Variants in IL17RC observed in about 807,000 individuals in gnomAD.
IL17RC encodes the protein interleukin-17 receptor C.
IL17RC carries 53 observed loss-of-function variants against 86.7 expected under a neutral mutation model. The observed-to-expected ratio is 0.61, with a 90% confidence interval of 0.49 to 0.77. The LOEUF is 0.77. Ranked by LOEUF, IL17RC falls within the 30% of genes least tolerant of loss-of-function variation. The pLI is 0.00. For missense variants in IL17RC, 957 were observed against 940.0 expected (o/e 1.02, Z -0.24); for synonymous variants, 439 against 413.1 (o/e 1.06, Z -0.76).
At chr3:9,928,524 G>C (rs1342147707) in intron 11 of IL17RC, 38 bp downstream of exon 11, 2 of 1,613,396 alleles carry the variant, frequency 1.2e-6, no homozygotes, top group Admixed American at 1.7e-5. Context: ...GGTGAGGGGA[G>C]AGTGGGGAAC....
intron 18 of IL17RC, 31 bp downstream of exon 18, chr3:9,932,889 C>T: frequency 6.3e-7 from 1 of 1,591,132 alleles, no homozygotes; most frequent in Non-Finnish European, 8.5e-7. Flanking sequence ...GGCGGAGGGC[C>T]GCCCCCGGGG....
intron 5 of IL17RC, among the ~76,000 whole-genome samples, chr3:9,919,688 T>C (rs1263664105): frequency 6.6e-6 from 1 of 152,174 alleles, no homozygotes; most frequent in African/African-American, 2.4e-5. Context: ...GTTGTGAGAA[T>C]TAAATTAAGT....
chr3:9,925,519 G>A (rs1320469607), intron 9 of IL17RC, among the ~76,000 whole-genome samples: 1 of 151,890 alleles, frequency 6.6e-6, no homozygotes, highest in Non-Finnish European at 1.5e-5. Context: ...TCCAGCTTAG[G>A]GCTCTATCAT....
intron 9 of IL17RC, among the ~76,000 whole-genome samples, chr3:9,926,157 C>T (rs1363206419): frequency 1.3e-5 from 2 of 151,546 alleles, no homozygotes; most frequent in African/African-American, 4.9e-5. Context: ...CCTCAGCCTC[C>T]CAAGTAGCTG....
At chr3:9,922,370 T>G (rs1014987424) in intron 7 of IL17RC, among the ~76,000 whole-genome samples, 3 of 152,264 alleles carry the variant, frequency 2.0e-5, no homozygotes, top group Non-Finnish European at 2.9e-5. Flanking sequence ...AACTTCATTT[T>G]CTTTTTGCCT....
chr3:9,918,643 T>G (rs2083303882), intron 5 of IL17RC, 34 bp downstream of exon 5: 1 of 1,420,988 alleles, frequency 7.0e-7, no homozygotes, highest in Non-Finnish European at 9.9e-7. Context: ...CTTCTAAACC[T>G]AAAATCTATA....
intron 13 of IL17RC, 44 bp from the exon 14 acceptor site, chr3:9,929,984 A>C: frequency 1.2e-6 from 2 of 1,613,684 alleles, no homozygotes; most frequent in South Asian, 2.2e-5. Context: ...GGCCAATCCC[A>C]GCAAGGATGG....
chr3:9,932,545 A>G, intron 16 of IL17RC, 63 bp from the exon 17 acceptor site: 1 of 1,431,032 alleles, frequency 7.0e-7, no homozygotes, highest in South Asian at 1.1e-5. Flanking sequence ...CATTTCTGTT[A>G]AGTCTCAGTT....
intron 16 of IL17RC, 79 bp downstream of exon 16, chr3:9,931,022 A>G (rs2084603211): frequency 9.1e-7 from 1 of 1,098,866 alleles, no homozygotes; most frequent in Admixed American, 1.7e-5. Context: ...GGCACAGCAC[A>G]TGCAATGGCC....
intron 5 of IL17RC, chr3:9,918,903 T>A: frequency 2.9e-6 from 1 of 343,294 alleles, no homozygotes; most frequent in Non-Finnish European, 5.3e-6. Flanking sequence ...TATGCTTGAC[T>A]GCGAGAAATC....
At position 9,920,492 on chromosome 3, in the gene IL17RC, G is replaced by A. The variant is rs2083450422; in HGVS notation, c.467G>A (p.Gly156Asp). The part of the protein sequence containing the change: ...AALVQFGQSV[G>D]SVVYDCFEAA... ...CCTTCCTCACCCCTCTCCTCACAGG[G>A]CTCTGTGGTATATGACTGCTTCGAG... The change falls in exon 6 of 19, where the codon GGC (glycine) becomes GAC (aspartate). Residue 156 changes from glycine (G) to aspartate (D), a missense_variant and splice_region_variant. Coordinates refer to ENST00000403601, the MANE Select transcript of IL17RC (RefSeq NM_153460.4). 8 of 1,588,006 alleles carry A rather than the reference G, an allele frequency of 5.0e-6. No homozygotes were observed. Among genetic ancestry groups the A allele is most frequent in the Non-Finnish European group, 6.9e-6 (8 of 1,163,264 alleles).
At chr3:9,931,934 G>T (rs2084751764) in intron 16 of IL17RC, among the ~76,000 whole-genome samples, 1 of 150,914 alleles carries the variant, frequency 6.6e-6, no homozygotes, top group South Asian at 2.1e-4. Flanking sequence ...AGGACAGCAA[G>T]ATCAAGGGCC....
Position 9,933,147 on chromosome 3 carries a change from G to T in IL17RC, c.1717G>T (p.Glu573Ter). ...FHAQRRQTLQ[E>*]GGVVVLLFSP... ...CGCGCAGCGGCGCCAGACCCTGCAG[G>T]AGGGCGGCGTGGTGGTCTTGCTCTT... is the stretch of plus-strand genomic sequence containing the variant. The change falls in exon 19 of 19, where the codon GAG becomes TAG. Residue 573 changes from glutamate to a stop codon, truncating the protein, a stop_gained. Transcript: ENST00000403601. LOFTEE classifies it low-confidence loss of function (END_TRUNC). 1 of 1,602,286 alleles carries T rather than the reference G, an allele frequency of 6.2e-7. No individual in the cohort carries two copies. Among genetic ancestry groups the T allele is most frequent in the Non-Finnish European group, 8.5e-7 (1 of 1,176,462 alleles).
chr3:9,918,468 G>A, intron 4 of IL17RC, 32 bp from the exon 5 acceptor site: 1 of 1,611,252 alleles, frequency 6.2e-7, no homozygotes, highest in Non-Finnish European at 8.5e-7. Flanking sequence ...GCCGCTCCTG[G>A]GCCTGACTGA....
At chr3:9,931,468 C>CATATATATATATATATAT (rs1164461805) in intron 16 of IL17RC, among the ~76,000 whole-genome samples, 4 of 17,924 alleles carry the variant, frequency 2.2e-4, no homozygotes, top group South Asian at 2.8e-3. Flanking sequence ...CACACACACA[C>CATATATATATATATATAT]ACATATATAT....
At chr3:9,924,594 G>A (rs186594531) in intron 9 of IL17RC, among the ~76,000 whole-genome samples, 159 of 152,240 alleles carry the variant, frequency 1.0e-3, no homozygotes, top group African/African-American at 3.5e-3. Context: ...TCCCCTGGCG[G>A]GCAGAGCATG....
At chr3:9,931,471 A>ATT (rs2084678505) in intron 16 of IL17RC, among the ~76,000 whole-genome samples, 1 of 5,254 alleles carries the variant, frequency 1.9e-4, no homozygotes, top group Admixed American at 3.9e-3. Flanking sequence ...ACACACACAC[A>ATT]TATATATATA....
intron 16 of IL17RC, among the ~76,000 whole-genome samples, chr3:9,931,923 C>T (rs978759670): frequency 1.3e-5 from 2 of 151,368 alleles, no homozygotes; most frequent in Non-Finnish European, 2.9e-5. Flanking sequence ...TGCAGACACC[C>T]AGGACAGCAA....
At chr3:9,921,588 A>G (rs2083555883) in intron 7 of IL17RC, among the ~76,000 whole-genome samples, 2 of 151,934 alleles carry the variant, frequency 1.3e-5, no homozygotes, top group Non-Finnish European at 2.9e-5. Flanking sequence ...TGTGTATAAC[A>G]TACATACATA....
Sources: allele counts gnomAD v4.1 joint callset (sites outside exome capture counted in the v4.1 genomes callset), GRCh38; gene constraint gnomAD v4.1.1; transcripts MANE v1.5; gene names NCBI Gene and HGNC (gene_info 2026-07-23, HGNC 2026-07-21).